STX16: variants seen among roughly 807,000 people sequenced by gnomAD.
The protein encoded by STX16 is syntaxin-16.
In STX16, 28 loss-of-function variants were observed where a neutral mutation model predicts 42.7. That is an observed-to-expected ratio of 0.66 (90% CI 0.49 to 0.90). The LOEUF (loss-of-function observed/expected upper bound fraction) is 0.90. Ranked by LOEUF, STX16 falls within the 40% of genes least tolerant of loss-of-function variation. The pLI is 0.00. For synonymous variants in STX16, 156 were observed against 155.2 expected (o/e 1.00, Z -0.04); for missense variants, 361 against 420.9 (o/e 0.86, Z 1.24).
Position 58,678,565 on chromosome 20 carries a change from G to C in STX16, c.*2274G>C, listed in dbSNP as rs566199368. On this transcript the variant is annotated 3_prime_UTR_variant, in exon 9 of 9. Coordinates refer to ENST00000371141, the MANE Select transcript of STX16 (RefSeq NM_001001433.3). ...TGAGGCAGGAGAATAGCTTGAACCC[G>C]GGAGGCAGAGGTTGCAGTGAGCCGA... 1 of 149,872 alleles carries C rather than the reference G, an allele frequency of 6.7e-6. No individual in the cohort carries two copies. The highest frequency in any genetic ancestry group is 6.6e-5 in the Admixed American group (1 of 15,046). 9.3% of individuals were successfully genotyped at this position (149,872 alleles called of 1,614,324 possible).
chr20:58,669,172 C>A (rs2083909105), intron 4 of STX16, 119 bp from the exon 5 acceptor site: 2 of 1,070,150 alleles, frequency 1.9e-6, no homozygotes, highest in Admixed American at 2.6e-5. Flanking sequence ...GTTCACCTTT[C>A]TCTAAACCAG....
intron 7 of STX16, among the ~76,000 whole-genome samples, chr20:58,673,337 C>T (rs1365683315): frequency 6.6e-6 from 1 of 152,144 alleles, no homozygotes; most frequent in Non-Finnish European, 1.5e-5. Flanking sequence ...CTTAGGGCCC[C>T]AGGAAGTCCG....
intron 2 of STX16, among the ~76,000 whole-genome samples, chr20:58,666,507 C>T (rs768053210): frequency 2.7e-5 from 4 of 149,492 alleles, no homozygotes; most frequent in South Asian, 2.1e-4. Context: ...TGGCTCACTG[C>T]GACCTTCGCC....
chr20:58,669,279 T>C lies in STX16; in HGVS notation c.394-12T>C, dbSNP rs1293901950. ...CCCAGGCTTGCCCTGAGCCTCGGGCTTGTTCTCTTAGCTCTTCCACAGGTG... is the reference window on the plus strand; with the variant it reads ...CCCAGGCTTGCCCTGAGCCTCGGGCCTGTTCTCTTAGCTCTTCCACAGGTG... On this transcript the variant is annotated splice_polypyrimidine_tract_variant and intron_variant, in intron 4 of 8. Coordinates refer to ENST00000371141, the MANE Select transcript of STX16 (RefSeq NM_001001433.3). The C allele has an allele frequency of 1.4e-5, 23 of 1,609,044 alleles. 1 individual carries two copies. In the Admixed American group the frequency reaches 2.7e-4, roughly 19 times the overall value.
Position 58,676,370 on chromosome 20 carries a change from C to T in STX16, c.*79C>T. 2 of 1,303,446 alleles carry T rather than the reference C, an allele frequency of 1.5e-6. No individual in the cohort carries two copies. 80.7% of individuals were successfully genotyped at this position (1,303,446 alleles called of 1,614,324 possible). On this transcript the variant is annotated 3_prime_UTR_variant, in exon 9 of 9. Coordinates refer to ENST00000371141, the MANE Select transcript of STX16 (RefSeq NM_001001433.3). ...GCTTGGCCTGCGCCCCGCCAGCTGCCCGCAGAGGTGCAGCCTCGAGGAATC... is the reference window on the plus strand; with the variant it reads ...GCTTGGCCTGCGCCCCGCCAGCTGCTCGCAGAGGTGCAGCCTCGAGGAATC...
chr20:58,660,249 A>G (rs1200373849), intron 2 of STX16, among the ~76,000 whole-genome samples: 1 of 152,222 alleles, frequency 6.6e-6, no homozygotes, highest in Admixed American at 6.5e-5. Flanking sequence ...TAGTAGCCGG[A>G]GTAAAAGGGT....
At position 58,678,849 on chromosome 20, in the gene STX16, T is replaced by C. The variant is rs1276361785; in HGVS notation, c.*2558T>C. 6.6e-6 allele frequency: 1 copy of C among 152,242 alleles called. No homozygotes were observed. Among genetic ancestry groups the C allele is most frequent in the Non-Finnish European group, 1.5e-5 (1 of 68,100 alleles). 9.4% of individuals were successfully genotyped at this position (152,242 alleles called of 1,614,324 possible). A position where few individuals can be genotyped will look rare whatever the true frequency, so the allele number is the denominator to read the frequency against. ...TGGTACCTCAGGGTTTCTTTCCCTTTACTCGCTGGCAGCCATTGTCTGTGG... is the reference window on the plus strand; with the variant it reads ...TGGTACCTCAGGGTTTCTTTCCCTTCACTCGCTGGCAGCCATTGTCTGTGG... On this transcript the variant is annotated 3_prime_UTR_variant, in exon 9 of 9. Transcript: ENST00000371141.
Position 58,676,220 on chromosome 20 carries a change from C to T in STX16, c.907C>T (p.Leu303Phe). ...EQYQKKNRKM[L>F]VILILFVIII... ...GTATCAAAAGAAGAATCGGAAGATG[C>T]TTGTGATTTTAATATTATTTGTCAT... Residue 303 changes from leucine (L) to phenylalanine (F), a missense_variant, in exon 9 of 9, where the codon CTT becomes TTT. Physicochemically the swap from Leu to Phe is conservative, Grantham distance 22. Coordinates refer to ENST00000371141, the MANE Select transcript of STX16 (RefSeq NM_001001433.3). The T allele has an allele frequency of 6.2e-7, 1 of 1,614,160 alleles. No individual in the cohort carries two copies. The highest frequency in any genetic ancestry group is 1.1e-5 in the South Asian group (1 of 91,082).
Position 58,676,708 on chromosome 20 carries a change from T to C in STX16, c.*417T>C, listed in dbSNP as rs2084136547. ...TTTTGGAAAAATTTTCTTTAAACCA[T>C]CTGGTTTTTAAGAAATTTGGTACCA... On this transcript the variant is annotated 3_prime_UTR_variant, in exon 9 of 9. Transcript: ENST00000371141. The C allele has an allele frequency of 6.5e-6, 1 of 153,570 alleles. No individual in the cohort carries two copies. Among genetic ancestry groups the C allele is most frequent in the African/African-American group, 2.4e-5 (1 of 41,494 alleles). The allele number at this position is 153,570 out of a possible 1,614,324, so 9.5% of individuals were successfully genotyped here.
In STX16 at chr20:58,676,583, A is replaced by G; in HGVS notation, c.*292A>G. 3.8e-6 allele frequency: 1 copy of G among 264,148 alleles called. No individual in the cohort carries two copies. The highest frequency in any genetic ancestry group is 7.1e-6 in the Non-Finnish European group (1 of 141,440). The allele number at this position is 264,148 out of a possible 1,614,324, so 16.4% of individuals were successfully genotyped here. A position where few individuals can be genotyped will look rare whatever the true frequency, so the allele number is the denominator to read the frequency against. On this transcript the variant is annotated 3_prime_UTR_variant, in exon 9 of 9. Transcript: ENST00000371141. Reference sequence around the variant, plus strand: ...ATATATATTTTTTTTAGAAAGAGAAAATGAGCTGAGAGTTTACAGGCACTG... The same window carrying G: ...ATATATATTTTTTTTAGAAAGAGAAGATGAGCTGAGAGTTTACAGGCACTG...
In STX16 at chr20:58,673,617, C is replaced by T. The variant is rs1160897674; in HGVS notation, c.793-14C>T. 3.2e-6 allele frequency: 5 copies of T among 1,584,778 alleles called. No individual in the cohort carries two copies. Among genetic ancestry groups the T allele is most frequent in the Admixed American group, 1.7e-5 (1 of 59,120 alleles). On this transcript the variant is annotated splice_polypyrimidine_tract_variant and intron_variant, in intron 7 of 8. Transcript: ENST00000371141. ...GCTATTGTTGATTGTCTGTAACTGT[C>T]ATTTATTACCTAGGGTACAGTCCTT...
At chr20:58,666,499 G>T (rs1172712442) in intron 2 of STX16, among the ~76,000 whole-genome samples, 2 of 149,026 alleles carry the variant, frequency 1.3e-5, no homozygotes, top group Admixed American at 1.4e-4. Flanking sequence ...TACGATCATG[G>T]CTCACTGCGA....
At position 58,675,644 on chromosome 20, in the gene STX16, T is replaced by C. The variant is rs532875721; in HGVS notation, c.874-543T>C. On this transcript the variant is annotated intron_variant, in intron 8 of 8. Transcript: ENST00000371141. The stretch of plus-strand genomic sequence containing the variant: ...GGGATCTTTCTGCATATGACATCCA[T>C]GGGGCACACGTGTCTGTTTTTATTT... 2.6e-4 allele frequency among the ~76,000 whole-genome samples: 39 copies of C among 152,300 alleles called. 1 individual carries two copies. The South Asian group carries it at 6.2e-3, about 24-fold the overall frequency.
chr20:58,655,647 C>T (rs1421889359), intron 1 of STX16, among the ~76,000 whole-genome samples: 1 of 152,134 alleles, frequency 6.6e-6, no homozygotes, highest in East Asian at 1.9e-4. Context: ...AAGTCTTTGC[C>T]TGTTAATCCC....
At chr20:58,663,517 C>T (rs1397581393) in intron 2 of STX16, among the ~76,000 whole-genome samples, 2 of 152,078 alleles carry the variant, frequency 1.3e-5, no homozygotes, top group Non-Finnish European at 2.9e-5. Flanking sequence ...CTGCATTTCT[C>T]TCAGGAAGGA....
intron 8 of STX16, among the ~76,000 whole-genome samples, chr20:58,675,446 G>T (rs1239780985): frequency 6.6e-6 from 1 of 152,222 alleles, no homozygotes; most frequent in African/African-American, 2.4e-5. Flanking sequence ...TCGCCAGCCA[G>T]GTGGGGCCCT....
rs2084122025 is a variant in STX16 at position 58,676,276 on chromosome 20, C to T, written c.963C>T (p.Gly321=). The T allele has an allele frequency of 1.9e-6, 3 of 1,613,942 alleles. No homozygotes were observed. The highest frequency in any genetic ancestry group is 2.5e-6 in the Non-Finnish European group (3 of 1,179,918). Reference sequence around the variant, plus strand: ...TTGTGCTCATTGTTGTCCTCGTTGGCGTGAAGTCTCGATAAGTGGCATTGG... The same window carrying T: ...TTGTGCTCATTGTTGTCCTCGTTGGTGTGAAGTCTCGATAAGTGGCATTGG... ...IIIVLIVVLV[G]VKSR Residue 321 remains glycine (G), a synonymous_variant, in exon 9 of 9, where the codon GGC becomes GGT. Transcript: ENST00000371141.
rs921011114 is a variant in STX16 at position 58,667,994 on chromosome 20, A to G, written c.260A>G (p.Tyr87Cys). ...GTGACTTCATTTGCTTAGATTCAGT[A>G]TGATGTTGGCCGGATTAAGCAGAAG... ...KWVDGVDEIQ[Y>C]DVGRIKQKMK... Residue 87 changes from tyrosine (Y) to cysteine (C), a missense_variant, in exon 4 of 9, where the codon TAT (tyrosine) becomes TGT (cysteine). Physicochemically the swap from Tyr to Cys is radical, Grantham distance 194. Transcript: ENST00000371141. The G allele has an allele frequency of 8.1e-6, 13 of 1,614,258 alleles. No homozygotes were observed. The highest frequency in any genetic ancestry group is 6.7e-5 in the East Asian group (3 of 44,886).
rs200849264 is a variant in STX16, at chr20:58,659,607, C to T, written c.133-16C>T. 68 of 1,612,580 alleles carry T rather than the reference C, an allele frequency of 4.2e-5. No individual in the cohort carries two copies. Among genetic ancestry groups the T allele is most frequent in the Non-Finnish European group, 5.4e-5 (64 of 1,179,670 alleles). On this transcript the variant is annotated splice_polypyrimidine_tract_variant and intron_variant, in intron 1 of 8. Transcript: ENST00000371141. ...CCCAACTGGATGGGACTGATGGGGA[C>T]AACATGTCTCTTCAGGAGCTGGACG...
Sources: allele counts gnomAD v4.1 joint callset (sites outside exome capture counted in the v4.1 genomes callset), GRCh38; gene constraint gnomAD v4.1.1; transcripts MANE v1.5; gene names NCBI Gene and HGNC (gene_info 2026-07-23, HGNC 2026-07-21).